The following DGKI variants were observed in gnomAD, a reference collection of about 807,000 sequenced individuals.
The protein encoded by DGKI is diacylglycerol kinase iota.
A neutral mutation model predicts 147.5 loss-of-function variants in DGKI; 55 were observed. The observed-to-expected ratio is 0.37, with a 90% CI of 0.30 to 0.47. DGKI has a LOEUF of 0.47. Ranked by LOEUF, DGKI falls within the 20% of genes least tolerant of loss-of-function variation. DGKI has a pLI of 1.00. For synonymous variants in DGKI, 469 were observed against 477.1 expected (o/e 0.98, Z 0.22); for missense variants, 1,007 against 1,323.8 (o/e 0.76, Z 3.71).
rs537267934 is a variant in DGKI, at chr7:137,752,534, G to A, written c.402-62532C>T. Among the ~76,000 whole-genome samples, 6 of 152,276 alleles carry A rather than the reference G, an allele frequency of 3.9e-5. No individual in the cohort carries two copies. In the South Asian group the frequency reaches 6.2e-4, roughly 16 times the overall value. ...ATCCACAGGCAGATAGCCCAGCGCC[G>A]CACCTTGGGCCTGGTTACAGATTGA... On this transcript the variant is annotated intron_variant, in intron 1 of 32. Coordinates refer to ENST00000614521, the MANE Select transcript of DGKI (RefSeq NM_001321708.2).
chr7:137,449,912 G>T (rs1267344198), intron 27 of DGKI, among the ~76,000 whole-genome samples: 1 of 152,052 alleles, frequency 6.6e-6, no homozygotes, highest in Non-Finnish European at 1.5e-5. Flanking sequence ...AATGGATAAA[G>T]AAAATGTGGT....
intron 30 of DGKI, among the ~76,000 whole-genome samples, chr7:137,404,813 G>A (rs1163283414): frequency 3.1e-5 from 4 of 127,996 alleles, no homozygotes; most frequent in African/African-American, 1.2e-4. Flanking sequence ...CCATTTGGGC[G>A]GAGTGGTATT....
intron 1 of DGKI, among the ~76,000 whole-genome samples, chr7:137,818,703 A>G (rs1471161729): frequency 6.6e-6 from 1 of 152,096 alleles, no homozygotes; most frequent in Non-Finnish European, 1.5e-5. Flanking sequence ...CAGCCTCCCA[A>G]AGTGCTGGGA....
At chr7:137,424,553 G>A (rs1346510399) in intron 28 of DGKI, among the ~76,000 whole-genome samples, 10 of 152,160 alleles carry the variant, frequency 6.6e-5, no homozygotes, top group Non-Finnish European at 1.2e-4. Flanking sequence ...AGTGGATGCA[G>A]TGCACCGTGC....
intron 1 of DGKI, among the ~76,000 whole-genome samples, chr7:137,741,482 T>C (rs1795171742): frequency 6.6e-6 from 1 of 152,240 alleles, no homozygotes; most frequent in African/African-American, 2.4e-5. Flanking sequence ...CTTCTGATTT[T>C]GAATATGTCA....
At chr7:137,680,059 T>C (rs1823181335) in intron 2 of DGKI, among the ~76,000 whole-genome samples, 1 of 150,402 alleles carries the variant, frequency 6.6e-6, no homozygotes, top group African/African-American at 2.5e-5. Context: ...AATGTGGAGA[T>C]GAGACTTTGG....
chr7:137,821,033 C>A (rs1797882626), intron 1 of DGKI, among the ~76,000 whole-genome samples: 1 of 152,178 alleles, frequency 6.6e-6, no homozygotes, highest in Admixed American at 6.5e-5. Flanking sequence ...AGCCTCTCCC[C>A]AGTGACAGTC....
chr7:137,550,167 G>GTTTTT (rs71533756), intron 20 of DGKI, among the ~76,000 whole-genome samples: 3 of 138,032 alleles, frequency 2.2e-5, no homozygotes, highest in Non-Finnish European at 3.2e-5. Context: ...TGTTGTTTGA[G>GTTTTT]TTTTTTTTTT....
At chr7:137,445,484 A>G (rs1813680051) in intron 27 of DGKI, among the ~76,000 whole-genome samples, 1 of 152,128 alleles carries the variant, frequency 6.6e-6, no homozygotes, top group Admixed American at 6.5e-5. Flanking sequence ...CTCCCTGGGT[A>G]GGGTTGATTT....
At position 137,804,641 on chromosome 7, in the gene DGKI, G is replaced by A. The variant is rs187630272; in HGVS notation, c.401+41821C>T. Among the ~76,000 whole-genome samples, 257 of 152,356 alleles carry A rather than the reference G, an allele frequency of 1.7e-3. 1 individual carries two copies. Among genetic ancestry groups the A allele is most frequent in the African/African-American group, 5.7e-3 (236 of 41,586 alleles). On this transcript the variant is annotated intron_variant, in intron 1 of 32. Transcript: ENST00000614521. ...TTGATTCTAGCTGACAGAGGGTACA[G>A]AGGCACTCCTCTCGATAACAAGCTT...
intron 1 of DGKI, among the ~76,000 whole-genome samples, chr7:137,742,082 G>A (rs1051321324): frequency 3.3e-5 from 5 of 152,090 alleles, no homozygotes; most frequent in Admixed American, 6.5e-5. Context: ...CTTTAATAAC[G>A]ATCTCCCATA....
intron 27 of DGKI, among the ~76,000 whole-genome samples, chr7:137,452,496 T>C (rs762508364): frequency 7.2e-5 from 11 of 152,222 alleles, no homozygotes; most frequent in Non-Finnish European, 1.2e-4. Context: ...CCACTCCTTA[T>C]TGTGAAGTTC....
At chr7:137,827,647 T>C (rs1798099506) in intron 1 of DGKI, among the ~76,000 whole-genome samples, 1 of 152,224 alleles carries the variant, frequency 6.6e-6, no homozygotes, top group Non-Finnish European at 1.5e-5. Flanking sequence ...ATGTGCATCA[T>C]GCTATGCCCG....
chr7:137,815,695 T>C (rs1797716680), intron 1 of DGKI, among the ~76,000 whole-genome samples: 1 of 152,214 alleles, frequency 6.6e-6, no homozygotes, highest in Admixed American at 6.5e-5. Flanking sequence ...CTCGTAGTAC[T>C]AGCTATTATC....
intron 19 of DGKI, among the ~76,000 whole-genome samples, chr7:137,555,067 C>A (rs2128967818): frequency 6.6e-6 from 1 of 151,532 alleles, no homozygotes; most frequent in South Asian, 2.1e-4. Flanking sequence ...CAGGCATGTG[C>A]CACCACACCC....
At chr7:137,689,835 G>A in intron 2 of DGKI, 59 bp downstream of exon 2, 1 of 1,205,768 alleles carries the variant, frequency 8.3e-7, no homozygotes, top group Non-Finnish European at 1.1e-6. Context: ...GGAATCCTGA[G>A]AATGAGAGAC....
intron 21 of DGKI, 66 bp from the exon 22 acceptor site, chr7:137,487,755 T>C: frequency 2.1e-6 from 3 of 1,423,876 alleles, no homozygotes; most frequent in Non-Finnish European, 2.0e-6. Flanking sequence ...AGCATAAATG[T>C]GTTTCTCGTG....
At chr7:137,408,283 T>C (rs1043997309) in intron 29 of DGKI, among the ~76,000 whole-genome samples, 4 of 152,208 alleles carry the variant, frequency 2.6e-5, no homozygotes, top group African/African-American at 7.2e-5. Flanking sequence ...CTGGTCTCTA[T>C]GGTCTCTCTC....
At chr7:137,664,991 C>G (rs10276318) in intron 3 of DGKI, among the ~76,000 whole-genome samples, 26,798 of 151,930 alleles carry the variant, frequency 0.18, 7,152 homozygotes, top group African/African-American at 0.58. Flanking sequence ...GGATATCTGG[C>G]GGAAAAACAT....
Sources: allele counts gnomAD v4.1 joint callset (sites outside exome capture counted in the v4.1 genomes callset), GRCh38; gene constraint gnomAD v4.1.1; transcripts MANE v1.5; gene names NCBI Gene and HGNC (gene_info 2026-07-23, HGNC 2026-07-21).